Variants in LRMDA observed in about 807,000 individuals in gnomAD.
The protein encoded by LRMDA is leucine-rich melanocyte differentiation-associated protein.
LRMDA carries 18 observed loss-of-function variants against 29.8 expected under a neutral mutation model. That is an observed-to-expected ratio of 0.60 (90% CI 0.42 to 0.90). The LOEUF is 0.90. Ranked by LOEUF, LRMDA falls within the 40% of genes least tolerant of loss-of-function variation. The probability of loss-of-function intolerance (pLI) is 0.00; values close to 1 mark genes in which losing one functional copy is unlikely to be tolerated. For missense variants in LRMDA, 273 were observed against 273.9 expected, an observed-to-expected ratio of 1.00 and a Z score of 0.02; for synonymous variants, 125 against 109.4, an observed-to-expected ratio of 1.14 and a Z score of -0.89.
At chr10:75,909,744 A>C (rs1845814582) in intron 2 of LRMDA, among the ~76,000 whole-genome samples, 1 of 152,230 alleles carries the variant, frequency 6.6e-6, no homozygotes, top group Non-Finnish European at 1.5e-5. Flanking sequence ...GATTATGAGA[A>C]TTAAACAAGT....
intron 5 of LRMDA, among the ~76,000 whole-genome samples, chr10:76,226,216 GCAAACA>G (rs1851955031): frequency 6.6e-6 from 1 of 152,160 alleles, no homozygotes; most frequent in Non-Finnish European, 1.5e-5. Flanking sequence ...GGAAGGGAAA[GCAAACA>G]CATTCTTCAC....
At position 75,538,399 on chromosome 10, in the gene LRMDA, G is replaced by T. The variant is rs150642253; in HGVS notation, c.131+99905G>T. Among the ~76,000 whole-genome samples, 445 of 152,290 alleles carry T rather than the reference G, an allele frequency of 2.9e-3. 5 individuals carry two copies. Among genetic ancestry groups the T allele is most frequent in the Non-Finnish European group, 3.0e-3 (207 of 68,020 alleles). On this transcript the variant is annotated intron_variant, in intron 2 of 6. Transcript: ENST00000611255. ...CACATAGCATGCCTAGTGAGTGAAT[G>T]TAAGGAATAATTAGGAAAGGTTAAG...
intron 2 of LRMDA, among the ~76,000 whole-genome samples, chr10:75,575,977 T>C (rs1420314555): frequency 6.6e-6 from 1 of 151,758 alleles, no homozygotes; most frequent in Non-Finnish European, 1.5e-5. Context: ...TTTTTTTTTT[T>C]TTTTCACTCC....
At chr10:75,507,244 G>C (rs1197033118) in intron 2 of LRMDA, among the ~76,000 whole-genome samples, 1 of 152,094 alleles carries the variant, frequency 6.6e-6, no homozygotes, top group African/African-American at 2.4e-5. Flanking sequence ...AAGATGGCTG[G>C]CTGGAAGCAT....
At chr10:76,165,946 A>G (rs1850731868) in intron 5 of LRMDA, among the ~76,000 whole-genome samples, 1 of 152,208 alleles carries the variant, frequency 6.6e-6, no homozygotes, top group Non-Finnish European at 1.5e-5. Context: ...TGCTTTGGGT[A>G]GGTTGGTGAA....
At chr10:76,140,830 C>T (rs1427797535) in intron 5 of LRMDA, among the ~76,000 whole-genome samples, 6 of 152,004 alleles carry the variant, frequency 3.9e-5, no homozygotes, top group Admixed American at 2.6e-4. Flanking sequence ...TAAGGAATGC[C>T]ACCACACCTA....
At chr10:76,214,090 G>A (rs138777748) in intron 5 of LRMDA, among the ~76,000 whole-genome samples, 158 of 152,132 alleles carry the variant, frequency 1.0e-3, no homozygotes, top group Non-Finnish European at 1.8e-3. Flanking sequence ...TCAACTAAAT[G>A]CTCCCAGGCA....
At chr10:76,263,345 C>A (rs549497506) in intron 5 of LRMDA, among the ~76,000 whole-genome samples, 2 of 151,856 alleles carry the variant, frequency 1.3e-5, no homozygotes, top group African/African-American at 4.8e-5. Context: ...AACTTTTTAT[C>A]AGTTTACAGC....
intron 2 of LRMDA, among the ~76,000 whole-genome samples, chr10:75,680,101 G>A (rs1315105373): frequency 6.6e-6 from 1 of 152,250 alleles, no homozygotes; most frequent in Admixed American, 6.5e-5. Context: ...ACTATAAACA[G>A]TTCTTAGGAT....
chr10:75,509,788 G>A (rs564392957), intron 2 of LRMDA, among the ~76,000 whole-genome samples: 1 of 152,310 alleles, frequency 6.6e-6, no homozygotes, highest in Admixed American at 6.5e-5. Context: ...TAAGGGATCT[G>A]AATTTGCTCA....
chr10:76,380,106 T>C (rs1162953748), intron 6 of LRMDA, among the ~76,000 whole-genome samples: 2 of 152,186 alleles, frequency 1.3e-5, no homozygotes, highest in Non-Finnish European at 2.9e-5. Context: ...TTAAAACTTA[T>C]TGAGACTTGT....
chr10:76,334,960 G>A (rs946501351), intron 6 of LRMDA, among the ~76,000 whole-genome samples: 7 of 152,196 alleles, frequency 4.6e-5, no homozygotes, highest in African/African-American at 1.2e-4. Context: ...ATGGAAGAGT[G>A]CAGAGAAGGG....
At chr10:75,732,205 G>A (rs1358499896) in intron 2 of LRMDA, among the ~76,000 whole-genome samples, 3 of 152,116 alleles carry the variant, frequency 2.0e-5, no homozygotes, top group South Asian at 2.1e-4. Context: ...ATGGAGCACC[G>A]ACTCTCAAAT....
chr10:75,767,328 T>A (rs1286465768), intron 2 of LRMDA, among the ~76,000 whole-genome samples: 1 of 152,228 alleles, frequency 6.6e-6, no homozygotes, highest in Non-Finnish European at 1.5e-5. Flanking sequence ...TTTTTAATGA[T>A]CACCATTCTA....
chr10:76,558,852 C>T lies in LRMDA; in HGVS notation c.*1564C>T, dbSNP rs183494768. ...GAGTCCCTGTTTGAGATTACACAAC[C>T]TTTGTTAATCAGTTCTTTAGACAAG... On this transcript the variant is annotated 3_prime_UTR_variant, in exon 7 of 7. Coordinates refer to ENST00000611255, the MANE Select transcript of LRMDA (RefSeq NM_001305581.2). 4 of 152,164 alleles carry T rather than the reference C, an allele frequency of 2.6e-5. No individual in the cohort carries two copies. Among genetic ancestry groups the T allele is most frequent in the Non-Finnish European group, 2.9e-5 (2 of 68,026 alleles). 9.4% of individuals were successfully genotyped at this position (152,164 alleles called of 1,614,324 possible). A position where few individuals can be genotyped will look rare whatever the true frequency, so the allele number is the denominator to read the frequency against.
chr10:76,059,443 C>T (rs1014613360), intron 5 of LRMDA, among the ~76,000 whole-genome samples: 6 of 152,244 alleles, frequency 3.9e-5, no homozygotes, highest in Middle Eastern at 6.8e-3. Flanking sequence ...GATTCAGACA[C>T]AAGGAGATTT....
chr10:76,154,407 A>G (rs1850501449), intron 5 of LRMDA, among the ~76,000 whole-genome samples: 1 of 152,230 alleles, frequency 6.6e-6, no homozygotes, highest in African/African-American at 2.4e-5. Flanking sequence ...ATCTAGACCA[A>G]ACAATATCAT....
chr10:76,343,879 A>T (rs1439205704), intron 6 of LRMDA, among the ~76,000 whole-genome samples: 1 of 138,314 alleles, frequency 7.2e-6, no homozygotes, highest in Admixed American at 7.9e-5. Flanking sequence ...GTGCAGTGGT[A>T]TGATCTTGGC....
intron 2 of LRMDA, among the ~76,000 whole-genome samples, chr10:75,567,768 T>C (rs1035460571): frequency 8.5e-5 from 13 of 152,132 alleles, no homozygotes; most frequent in African/African-American, 3.1e-4. Flanking sequence ...GGTAATAGAA[T>C]CATGATCCCC....
Sources: gnomAD v4.1 joint callset for allele counts (sites outside exome capture counted in the v4.1 genomes callset) on GRCh38, gnomAD v4.1.1 for gene constraint, MANE v1.5 for transcripts, NCBI Gene and HGNC (gene_info 2026-07-23, HGNC 2026-07-21) for gene names.